The following DDX49 variants were observed in gnomAD, a reference collection of about 807,000 sequenced individuals.
DDX49 encodes the protein DEAD-box helicase 49.
In DDX49, 50 loss-of-function variants were observed where a neutral mutation model predicts 56.3. The ratio of observed to expected loss-of-function variants is 0.89; its 90% CI spans 0.71 to 1.12. The LOEUF (loss-of-function observed/expected upper bound fraction) is 1.12. Among genes scored for constraint, DDX49 ranks in the 50% most tolerant of loss-of-function variants. DDX49 has a pLI of 0.00. For missense variants in DDX49, 614 were observed against 650.5 expected (o/e 0.94, Z 0.61); for synonymous variants, 269 against 270.6 (o/e 0.99, Z 0.06).
At chr19:18,927,103 C>G (rs1052978804) in intron 10 of DDX49, among the ~76,000 whole-genome samples, 5 of 144,438 alleles carry the variant, frequency 3.5e-5, no homozygotes, top group African/African-American at 1.3e-4. Flanking sequence ...AGAGAAACAT[C>G]TGGACTTTAA....
In DDX49 at chr19:18,924,664, C is replaced by A; in HGVS notation, c.894C>A (p.Ile298=). ...FAALAKFKSS[I]YRILIATDVA... ...CCCTAGCCAAGTTCAAGTCCAGCATCTACCGGATCCTGATCGCAACAGACG... is the reference window on the plus strand; with the variant it reads ...CCCTAGCCAAGTTCAAGTCCAGCATATACCGGATCCTGATCGCAACAGACG... The change falls in exon 8 of 13, where the codon ATC becomes ATA. Residue 298 remains isoleucine, a synonymous_variant. Transcript: ENST00000247003. The A allele has an allele frequency of 2.5e-6, 4 of 1,614,248 alleles. No individual in the cohort carries two copies. Among genetic ancestry groups the A allele is most frequent in the Non-Finnish European group, 3.4e-6 (4 of 1,180,044 alleles).
rs200463567 is a variant in DDX49 at position 18,927,859 on chromosome 19, G to T, written c.1191+5G>T. On this transcript the variant is annotated splice_donor_5th_base_variant and intron_variant, in intron 11 of 12. Transcript: ENST00000247003. Reference sequence around the variant, plus strand: ...GTGCGAAGAGAGTGTGAGATCGTGAGTGTCAGAGGCGGGCAGGAACTAAAG... The same window carrying T: ...GTGCGAAGAGAGTGTGAGATCGTGATTGTCAGAGGCGGGCAGGAACTAAAG... 1 of 1,614,108 alleles carries T rather than the reference G, an allele frequency of 6.2e-7. No homozygotes were observed. The highest frequency in any genetic ancestry group is 1.1e-5 in the South Asian group (1 of 91,072).
chr19:18,920,677 C>T lies in DDX49; in HGVS notation c.213C>T (p.Ile71=). 1 of 1,608,946 alleles carries T rather than the reference C, an allele frequency of 6.2e-7. No homozygotes were observed. The highest frequency in any genetic ancestry group is 2.2e-5 in the East Asian group (1 of 44,668). ...LQKLSEDPYG[I]FCLVLTPTRE... is the part of the protein sequence containing the mutation. ...AGCTGTCTGAGGATCCCTATGGCAT[C>T]TTCTGCCTCGTCCTGACACCCACCA... The change falls in exon 2 of 13, where the codon ATC becomes ATT. Residue 71 remains isoleucine, a synonymous_variant. Coordinates refer to ENST00000247003, the MANE Select transcript of DDX49 (RefSeq NM_019070.5).
At chr19:18,920,550 G>T in intron 1 of DDX49, 30 bp from the exon 2 acceptor site, 1 of 1,575,874 alleles carries the variant, frequency 6.3e-7, no homozygotes, top group South Asian at 1.1e-5. Context: ...ACACATGGAG[G>T]GTGTTGATGC....
intron 1 of DDX49, among the ~76,000 whole-genome samples, chr19:18,920,231 C>T (rs2056903037): frequency 1.3e-5 from 2 of 152,152 alleles, no homozygotes; most frequent in Admixed American, 6.6e-5. Flanking sequence ...TGTGATTGCT[C>T]CTCTAGGAGA....
chr19:18,922,679 C>G lies in DDX49; in HGVS notation c.711C>G (p.His237Gln). ...PEKVKDAYLVHLIQRFQDEHE... is the reference protein window; with the variant it reads ...PEKVKDAYLVQLIQRFQDEHE... ...AGGTCAAGGACGCCTACCTGGTCCA[C>G]CTGATCCAGCGCTTCCAGGATGAGC... Residue 237 changes from histidine (H) to glutamine (Q), a missense_variant, in exon 6 of 13, where the codon CAC (histidine) becomes CAG (glutamine). Physicochemically the swap from His to Gln is conservative, Grantham distance 24. Transcript: ENST00000247003. 3.1e-6 allele frequency: 5 copies of G among 1,614,094 alleles called. No individual in the cohort carries two copies. The highest frequency in any genetic ancestry group is 4.2e-6 in the Non-Finnish European group (5 of 1,180,036).
rs372750725 is a variant in DDX49 at position 18,928,006 on chromosome 19, C to T, written c.1233C>T (p.Asn411=). 1.2e-6 allele frequency: 2 copies of T among 1,613,766 alleles called. No individual in the cohort carries two copies. Among genetic ancestry groups the T allele is most frequent in the African/African-American group, 1.3e-5 (1 of 74,918 alleles). Residue 411 remains asparagine, a synonymous_variant, in exon 12 of 13, where the codon AAC becomes AAT. Transcript: ENST00000247003. ...AAHFDEKKEI[N]KRKQLILEGK... is the part of the protein sequence containing the mutation. ...ACTTTGACGAAAAGAAGGAGATCAA[C>T]AAACGGAAGCAGCTGATCCTGGAGG...
At chr19:18,927,730 T>TCGC in intron 10 of DDX49, 36 bp from the exon 11 acceptor site, 1 of 1,561,164 alleles carries the variant, frequency 6.4e-7, no homozygotes, top group Non-Finnish European at 8.8e-7. Context: ...TCACGTCTCC[T>TCGC]CCCCACCCCC....
intron 6 of DDX49, among the ~76,000 whole-genome samples, chr19:18,923,247 T>A (rs1568329457): frequency 6.6e-6 from 1 of 152,086 alleles, no homozygotes; most frequent in African/African-American, 2.4e-5. Context: ...TGGGACTGGG[T>A]GCAGTGACTC....
chr19:18,924,113 C>A, intron 6 of DDX49, 120 bp from the exon 7 acceptor site: 1 of 963,286 alleles, frequency 1.0e-6, no homozygotes, highest in Non-Finnish European at 1.7e-6. Flanking sequence ...TGGCCTGCTG[C>A]CTCTCCTTTC....
At chr19:18,926,475 G>T in intron 10 of DDX49, 98 bp downstream of exon 10, 1 of 1,206,662 alleles carries the variant, frequency 8.3e-7, no homozygotes, top group South Asian at 1.4e-5. Context: ...ACACCAGCCG[G>T]CCTGCTCCCG....
Position 18,928,249 on chromosome 19 carries a change from A to C in DDX49, c.1385A>C (p.Lys462Thr). The change falls in exon 13 of 13, where the codon AAG becomes ACG. Residue 462 changes from lysine (K) to threonine (T), a missense_variant. By Grantham distance (78) the Lys-to-Thr change is moderately conservative (BLOSUM62 -1). Transcript: ENST00000247003. ...KRQKAGRAGHKGRPPRTPSGS... is the reference protein window; with the variant it reads ...KRQKAGRAGHTGRPPRTPSGS... ...CAGAAGGCTGGCAGGGCTGGCCACA[A>C]GGGGCGTCCACCCAGGACACCGTCT... The C allele has an allele frequency of 6.3e-7, 1 of 1,588,206 alleles. No individual in the cohort carries two copies. The highest frequency in any genetic ancestry group is 8.6e-7 in the Non-Finnish European group (1 of 1,167,482).
At position 18,928,202 on chromosome 19, in the gene DDX49, G is replaced by C. The variant is rs762712056; in HGVS notation, c.1338G>C (p.Lys446Asn). Residue 446 changes from lysine (K) to asparagine (N), a missense_variant, in exon 13 of 13, where the codon AAG becomes AAC. By Grantham distance (94) the Lys-to-Asn change is moderately conservative. Transcript: ENST00000247003. ...IKQKNRRFKEKVEETLKRQKA... is the reference protein window; with the variant it reads ...IKQKNRRFKENVEETLKRQKA... ...AGAAGAACCGGCGCTTCAAGGAGAA[G>C]GTGGAGGAGACGCTGAAGCGACAGA... The C allele has an allele frequency of 7.6e-6, 12 of 1,586,666 alleles. No homozygotes were observed. Among genetic ancestry groups the C allele is most frequent in the Non-Finnish European group, 1.0e-5 (12 of 1,166,502 alleles).
rs1243603362 is a variant in DDX49 at position 18,927,745 on chromosome 19, C to T, written c.1103-21C>T. 1.9e-6 allele frequency: 3 copies of T among 1,609,462 alleles called. No individual in the cohort carries two copies. The South Asian group carries it at 3.3e-5, about 18-fold the overall frequency. On this transcript the variant is annotated intron_variant, in intron 10 of 12. Coordinates refer to ENST00000247003, the MANE Select transcript of DDX49 (RefSeq NM_019070.5). Reference sequence around the variant, plus strand: ...TCACGTCTCCTCCCCACCCCCACCCCCGGCTTTGCTGTCCCCACAGAGAAG... The same window carrying T: ...TCACGTCTCCTCCCCACCCCCACCCTCGGCTTTGCTGTCCCCACAGAGAAG...
chr19:18,927,184 C>A (rs2056967986), intron 10 of DDX49, among the ~76,000 whole-genome samples: 1 of 151,916 alleles, frequency 6.6e-6, no homozygotes, highest in South Asian at 2.1e-4. Context: ...TCACTTGAGC[C>A]CAGGAGTTTG....
chr19:18,926,480 C>T, intron 10 of DDX49, 103 bp downstream of exon 10: 2 of 1,176,050 alleles, frequency 1.7e-6, no homozygotes, highest in Non-Finnish European at 2.4e-6. Context: ...AGCCGGCCTG[C>T]TCCCGTGAGC....
intron 4 of DDX49, 103 bp downstream of exon 4, chr19:18,922,067 T>G: frequency 6.9e-7 from 1 of 1,447,104 alleles, no homozygotes; most frequent in Non-Finnish European, 9.2e-7. Context: ...GAAACGTATG[T>G]CCGTTAGACT....
Position 18,922,437 on chromosome 19 carries a change from G to A in DDX49, c.559G>A (p.Ala187Thr), listed in dbSNP as rs2056925738. The change falls in exon 5 of 13, where the codon GCC (alanine) becomes ACC (threonine). Residue 187 changes from alanine to threonine, a missense_variant. By Grantham distance (58) the Ala-to-Thr change is moderately conservative. Coordinates refer to ENST00000247003, the MANE Select transcript of DDX49 (RefSeq NM_019070.5). ...CCGCAGGCAGACACTGCTGTTCAGC[G>A]CCACGCTGACCGACACACTCCGGGA... ...PARRQTLLFS[A>T]TLTDTLRELQ... The A allele has an allele frequency of 4.4e-6, 7 of 1,606,110 alleles. No individual in the cohort carries two copies. The highest frequency in any genetic ancestry group is 1.7e-5 in the Admixed American group (1 of 59,120).
Position 18,920,574 on chromosome 19 carries a change from A to T in DDX49, c.116-6A>T. On this transcript the variant is annotated splice_region_variant and splice_polypyrimidine_tract_variant and intron_variant, in intron 1 of 12. Transcript: ENST00000247003. Reference sequence around the variant, plus strand: ...GGGTGTTGATGCTGCTTTGTCCCCAACCCAGGTCGAGACTGCTTGGGCTGT... The same window carrying T: ...GGGTGTTGATGCTGCTTTGTCCCCATCCCAGGTCGAGACTGCTTGGGCTGT... The T allele has an allele frequency of 3.1e-6, 5 of 1,589,664 alleles. No homozygotes were observed. Among genetic ancestry groups the T allele is most frequent in the Non-Finnish European group, 4.3e-6 (5 of 1,160,562 alleles).
Sources: allele counts gnomAD v4.1 joint callset (sites outside exome capture counted in the v4.1 genomes callset), GRCh38; gene constraint gnomAD v4.1.1; transcripts MANE v1.5; gene names NCBI Gene and HGNC (gene_info 2026-07-23, HGNC 2026-07-21).